Variants in SEC31A observed in about 807,000 individuals in gnomAD.
SEC31A encodes protein transport protein Sec31A.
Under a neutral mutation model 151.0 loss-of-function variants are expected in SEC31A, and 70 were observed. That is an observed-to-expected ratio of 0.46 (90% CI 0.38 to 0.57). The LOEUF is 0.57. SEC31A is among the 20% of genes least tolerant of loss of function. The pLI is 0.00. For synonymous variants in SEC31A, 475 were observed against 505.9 expected, an observed-to-expected ratio of 0.94 and a Z score of 0.82; for missense variants, 1,330 against 1,471.2, an observed-to-expected ratio of 0.90 and a Z score of 1.57.
chr4:82,899,542 G>C (rs1052807923), intron 3 of SEC31A: 1 of 152,326 alleles, frequency 6.6e-6, no homozygotes, highest in Non-Finnish European at 1.5e-5. Context: ...ACACCTTACA[G>C]CCAAAAAGTA....
chr4:82,847,598 C>T (rs13120533), intron 20 of SEC31A, among the ~76,000 whole-genome samples: 31,464 of 152,096 alleles, frequency 0.21, 3,353 homozygotes, highest in South Asian at 0.34. Context: ...CGGTAACCAG[C>T]CATGCAACGC....
At chr4:82,890,201 C>CAAAAA (rs60372442) in intron 1 of SEC31A, among the ~76,000 whole-genome samples, 1 of 74,930 alleles carries the variant, frequency 1.3e-5, no homozygotes, top group Non-Finnish European at 2.5e-5. Flanking sequence ...GACTCCGTCT[C>CAAAAA]AAAAAAAAAA....
chr4:82,841,474 ACAC>A (rs1163121099), intron 22 of SEC31A, among the ~76,000 whole-genome samples: 23 of 123,298 alleles, frequency 1.9e-4, no homozygotes, highest in South Asian at 2.8e-4. Context: ...ATATACACAC[ACAC>A]TAAAAATACA....
rs773320033 is a variant in SEC31A at position 82,827,506 on chromosome 4, A to G, written c.3154T>C (p.Phe1052Leu). The G allele has an allele frequency of 1.2e-6, 2 of 1,614,238 alleles. No homozygotes were observed. The highest frequency in any genetic ancestry group is 3.3e-5 in the Admixed American group (2 of 60,032). ...CCACCTGGAAGATGTGGCTGTGGGA[A>G]TGAAGACTGGCTTGACAGTGGTACT... ...APVPLSSQSSFPQPHLPGGQP... is the reference protein window; with the variant it reads ...APVPLSSQSSLPQPHLPGGQP... The change falls in exon 24 of 27, where the codon TTC (phenylalanine) becomes CTC (leucine). Residue 1052 changes from phenylalanine (F) to leucine (L), a missense_variant. Phe to Leu is a conservative substitution (Grantham distance 22). Transcript: ENST00000395310.
rs577108280 is a variant in SEC31A at position 82,838,188 on chromosome 4, T to C, written c.2968+3952A>G. On this transcript the variant is annotated intron_variant, in intron 22 of 26. Coordinates refer to ENST00000395310, the MANE Select transcript of SEC31A (RefSeq NM_001077207.4). ...GGTGCTACAATTTGCCTAAGGAATG[T>C]TCATGAAAATTTTTTTAAATTTCAG... Among the ~76,000 whole-genome samples the C allele has an allele frequency of 3.3e-5, 5 of 152,342 alleles. No homozygotes were observed. In the South Asian group the frequency reaches 1.0e-3, roughly 32 times the overall value.
intron 13 of SEC31A, 84 bp from the exon 14 acceptor site, chr4:82,861,792 A>G: frequency 2.6e-6 from 2 of 779,098 alleles, no homozygotes; most frequent in South Asian, 1.8e-5. Context: ...CAAAAGACCC[A>G]ACCAACAACA....
intron 1 of SEC31A, among the ~76,000 whole-genome samples, chr4:82,885,964 T>A (rs1278826372): frequency 6.6e-6 from 1 of 152,122 alleles, no homozygotes; most frequent in Non-Finnish European, 1.5e-5. Context: ...AAATTGTTTA[T>A]ATTTGAAGGA....
intron 19 of SEC31A, among the ~76,000 whole-genome samples, chr4:82,849,288 C>A (rs1197136762): frequency 6.6e-6 from 1 of 152,058 alleles, no homozygotes; most frequent in Non-Finnish European, 1.5e-5. Flanking sequence ...CTTGTGGTTA[C>A]CTAATGCTCA....
Position 82,842,128 on chromosome 4 carries a change from T to C in SEC31A, c.2968+12A>G. On this transcript the variant is annotated intron_variant, in intron 22 of 26. Coordinates refer to ENST00000395310, the MANE Select transcript of SEC31A (RefSeq NM_001077207.4). ...AGGAGGGGGCCAAACCAAATCCCTT[T>C]CAAGCGCAGACCTGTTCTTTGGGAC... is the stretch of plus-strand genomic sequence containing the variant. 1 of 1,526,676 alleles carries C rather than the reference T, an allele frequency of 6.6e-7. No homozygotes were observed. Among genetic ancestry groups the C allele is most frequent in the Non-Finnish European group, 8.8e-7 (1 of 1,137,590 alleles). The allele number at this position is 1,526,676 out of a possible 1,614,324, so 94.6% of individuals were successfully genotyped here.
chr4:82,876,552 T>C (rs889270150), intron 4 of SEC31A, among the ~76,000 whole-genome samples: 1 of 152,244 alleles, frequency 6.6e-6, no homozygotes, highest in African/African-American at 2.4e-5. Context: ...CTGTGGCATC[T>C]TTCTCAGGAT....
intron 22 of SEC31A, among the ~76,000 whole-genome samples, chr4:82,839,048 G>C (rs1169468059): frequency 1.3e-5 from 2 of 152,202 alleles, no homozygotes; most frequent in Non-Finnish European, 2.9e-5. Flanking sequence ...CACGATCTCA[G>C]CTCACTGCAA....
At chr4:82,899,468 C>G (rs1213207297) in intron 3 of SEC31A, 1 of 152,168 alleles carries the variant, frequency 6.6e-6, no homozygotes, top group Non-Finnish European at 1.5e-5. Context: ...ATTGGTTGAG[C>G]AGGAAAAGGC....
chr4:82,851,348 C>T (rs1731412421), intron 19 of SEC31A, 83 bp downstream of exon 19: 1 of 1,096,126 alleles, frequency 9.1e-7, no homozygotes, highest in South Asian at 1.6e-5. Flanking sequence ...ATTCTACCTA[C>T]TAATATGTTT....
chr4:82,859,937 G>GC (rs1266649124), intron 14 of SEC31A, among the ~76,000 whole-genome samples: 1 of 151,770 alleles, frequency 6.6e-6, no homozygotes, highest in Non-Finnish European at 1.5e-5. Context: ...GACTACAGGC[G>GC]CCCCACCACA....
In SEC31A at chr4:82,861,637, C is replaced by G. The variant is rs1216668318; in HGVS notation, c.1620G>C (p.Leu540Phe). Residue 540 changes from leucine to phenylalanine, a missense_variant, in exon 14 of 27, where the codon TTG becomes TTC. Coordinates refer to ENST00000395310, the MANE Select transcript of SEC31A (RefSeq NM_001077207.4). ...EESPAAEEQL[L>F]GEHIKEEKEE... ...ATGAAAAAAAAATAAGTACCTCTCC[C>G]AAGAGCTGCTCTTCAGCAGCAGGGC... 1 of 1,603,906 alleles carries G rather than the reference C, an allele frequency of 6.2e-7. No homozygotes were observed. The highest frequency in any genetic ancestry group is 8.5e-7 in the Non-Finnish European group (1 of 1,172,226).
intron 3 of SEC31A, 194 bp downstream of exon 3, chr4:82,880,588 CAAAAAAAAAAAAGAAAA>C: frequency 3.5e-6 from 1 of 287,594 alleles, no homozygotes; most frequent in East Asian, 6.6e-5. Flanking sequence ...GATTCTGTCT[CAAAAAAAAAAAAGAAAA>C]AAAAAAGTCA....
intron 22 of SEC31A, among the ~76,000 whole-genome samples, chr4:82,839,853 T>C (rs1240089339): frequency 6.6e-6 from 1 of 152,226 alleles, no homozygotes; most frequent in African/African-American, 2.4e-5. Flanking sequence ...TTACTTTGTA[T>C]ATAAACAAAG....
Position 82,878,587 on chromosome 4 carries a change from C to A in SEC31A, c.402+143G>T, listed in dbSNP as rs570343249. The A allele has an allele frequency of 1.0e-4, 64 of 641,924 alleles. No individual in the cohort carries two copies. In the South Asian group the frequency reaches 1.1e-3, roughly 11 times the overall value. The allele number at this position is 641,924 out of a possible 1,614,324, so 39.8% of individuals were successfully genotyped here. ...AACCCTGATCTCAACTCTGAACCCA[C>A]CATTCTTTAAACAAACACTCGTCAA... On this transcript the variant is annotated intron_variant, in intron 4 of 26. Coordinates refer to ENST00000395310, the MANE Select transcript of SEC31A (RefSeq NM_001077207.4).
rs753284204 is a variant in SEC31A at position 82,874,809 on chromosome 4, A to G, written c.499-58T>C. The stretch of plus-strand genomic sequence containing the variant: ...TGTTTCTCTATTATAATCAAATTTA[A>G]CTGTAAAATTGGATCCTTCATTTTG... On this transcript the variant is annotated intron_variant, in intron 5 of 26. Transcript: ENST00000395310. 32 of 1,554,724 alleles carry G rather than the reference A, an allele frequency of 2.1e-5. No homozygotes were observed. In the Admixed American group the frequency reaches 5.4e-4, roughly 26 times the overall value.
Sources: allele counts gnomAD v4.1 joint callset (sites outside exome capture counted in the v4.1 genomes callset), GRCh38; gene constraint gnomAD v4.1.1; transcripts MANE v1.5; gene names NCBI Gene and HGNC (gene_info 2026-07-23, HGNC 2026-07-21).